Variants in TTLL1 observed in about 807,000 individuals in gnomAD.
TTLL1 encodes the protein TTL family tubulin polyglutamylase complex subunit L1, also known as polyglutamylase complex subunit TTLL1.
TTLL1 carries 33 observed loss-of-function variants against 47.8 expected under a neutral mutation model. The observed-to-expected ratio is 0.69, with a 90% CI of 0.52 to 0.92. The LOEUF is 0.92. Among genes scored for constraint, TTLL1 ranks in the 40% least tolerant of loss-of-function variants. The pLI, the probability that TTLL1 is intolerant of heterozygous loss-of-function variation, is 0.00. For synonymous variants in TTLL1, 225 were observed against 214.1 expected (o/e 1.05, Z -0.45); for missense variants, 488 against 547.5 (o/e 0.89, Z 1.08).
intron 10 of TTLL1, among the ~76,000 whole-genome samples, chr22:43,042,871 GGGAGGGGGGTTCACC>G (rs1409121772): frequency 6.6e-6 from 1 of 152,134 alleles, no homozygotes; most frequent in African/African-American, 2.4e-5. Context: ...GGCTGGATCA[GGGAGGGGGGTTCACC>G]TTGTTGTCTC....
chr22:43,056,462 CTTTTTTTTTTTTT>C (rs1052016247), intron 8 of TTLL1, among the ~76,000 whole-genome samples: 2 of 103,708 alleles, frequency 1.9e-5, no homozygotes, highest in East Asian at 5.5e-4. Context: ...TTCTTCTTGT[CTTTTTTTTTTTTT>C]TTTTTTTTTT....
chr22:43,069,147 C>T (rs922758293), intron 4 of TTLL1, among the ~76,000 whole-genome samples: 3 of 143,100 alleles, frequency 2.1e-5, no homozygotes, highest in African/African-American at 7.9e-5. Flanking sequence ...GAGGCAGAAG[C>T]GGGTGGATCA....
intron 8 of TTLL1, among the ~76,000 whole-genome samples, chr22:43,057,637 G>C (rs927245185): frequency 1.3e-5 from 2 of 152,056 alleles, no homozygotes; most frequent in Non-Finnish European, 2.9e-5. Flanking sequence ...GCCCACATCT[G>C]AGTAGGTGGG....
chr22:43,049,822 G>A (rs951873750), intron 9 of TTLL1, among the ~76,000 whole-genome samples: 8 of 151,348 alleles, frequency 5.3e-5, no homozygotes, highest in East Asian at 1.9e-4. Context: ...GGCTGGGCAC[G>A]GTGGCTCACG....
chr22:43,088,324 CTTTTTTTTTTTT>C (rs1167618669), intron 1 of TTLL1, among the ~76,000 whole-genome samples: 4 of 56,490 alleles, frequency 7.1e-5, no homozygotes, highest in African/African-American at 1.5e-4. Flanking sequence ...AAGGGCCCAT[CTTTTTTTTTTTT>C]TTTTTTTTTT....
chr22:43,053,297 G>C (rs1221289123), intron 8 of TTLL1, among the ~76,000 whole-genome samples: 1 of 152,180 alleles, frequency 6.6e-6, no homozygotes, highest in Non-Finnish European at 1.5e-5. Flanking sequence ...CTTGAAGCTA[G>C]AAACTCTGGG....
At chr22:43,083,830 T>C (rs180956341) in intron 1 of TTLL1, among the ~76,000 whole-genome samples, 3 of 152,240 alleles carry the variant, frequency 2.0e-5, no homozygotes. Context: ...GTTGGGGATA[T>C]GATCACCTTC....
At chr22:43,073,860 C>CA (rs1307184792) in intron 3 of TTLL1, among the ~76,000 whole-genome samples, 2 of 150,908 alleles carry the variant, frequency 1.3e-5, no homozygotes, top group African/African-American at 4.9e-5. Context: ...GTCTCACTGT[C>CA]ACCCAGGTTG....
chr22:43,068,890 G>A (rs2031103148), intron 4 of TTLL1, among the ~76,000 whole-genome samples: 1 of 152,168 alleles, frequency 6.6e-6, no homozygotes, highest in South Asian at 2.1e-4. Flanking sequence ...GGCCCAGGGA[G>A]ATCAGATAGA....
chr22:43,074,342 G>T (rs944354065), intron 3 of TTLL1, among the ~76,000 whole-genome samples: 1 of 149,356 alleles, frequency 6.7e-6, no homozygotes, highest in Admixed American at 6.7e-5. Context: ...CAGGAGAATC[G>T]CTTGAACCCA....
In TTLL1 at chr22:43,070,392, G is replaced by A. The variant is rs79816301; in HGVS notation, c.114-548C>T. On this transcript the variant is annotated intron_variant, in intron 3 of 10. Coordinates refer to ENST00000266254, the MANE Select transcript of TTLL1 (RefSeq NM_012263.5). The stretch of plus-strand genomic sequence containing the variant: ...CCTCTGAGAAAGCCACGGTCTCCCC[G>A]CCACACGCCTGTCCTCACCAACCCC... The A allele has an allele frequency of 3.2e-3, 1,280 of 398,522 alleles. 14 individuals carry two copies. The highest frequency in any genetic ancestry group is 0.025 in the African/African-American group (1,170 of 47,534). 24.7% of individuals were successfully genotyped at this position (398,522 alleles called of 1,614,324 possible). A position where few individuals can be genotyped will look rare whatever the true frequency, so the allele number is the denominator to read the frequency against.
intron 9 of TTLL1, among the ~76,000 whole-genome samples, chr22:43,048,141 C>A (rs1926293809): frequency 6.6e-6 from 1 of 151,798 alleles, no homozygotes; most frequent in South Asian, 2.1e-4. Context: ...CATGGTGAAA[C>A]CCTGTCTCTA....
In TTLL1 at chr22:43,040,176, G is replaced by A. The variant is rs1272257496; in HGVS notation, c.1143-271C>T. ...TTATTGTGGACAGTGGTCTCCCCTC[G>A]GAAGCTGACATTTTATACAGGTCAC... On this transcript the variant is annotated intron_variant, in intron 10 of 10. Coordinates refer to ENST00000266254, the MANE Select transcript of TTLL1 (RefSeq NM_012263.5). 14 of 335,984 alleles carry A rather than the reference G, an allele frequency of 4.2e-5. 1 individual carries two copies. The East Asian group carries it at 6.0e-4, about 14-fold the overall frequency. The allele number at this position is 335,984 out of a possible 1,614,324, so 20.8% of individuals were successfully genotyped here. A position where few individuals can be genotyped will look rare whatever the true frequency, so the allele number is the denominator to read the frequency against.
In TTLL1 at chr22:43,075,412, G is replaced by C. The variant is rs879153304; in HGVS notation, c.113+62C>G. 28 of 1,391,624 alleles carry C rather than the reference G, an allele frequency of 2.0e-5. 1 individual carries two copies. The South Asian group carries it at 3.0e-4, about 15-fold the overall frequency. The allele number at this position is 1,391,624 out of a possible 1,614,324, so 86.2% of individuals were successfully genotyped here. A position where few individuals can be genotyped will look rare whatever the true frequency, so the allele number is the denominator to read the frequency against. On this transcript the variant is annotated intron_variant, in intron 3 of 10. Transcript: ENST00000266254. ...TGAGGCCACTCTCTGGGAGGCACTGGAATTAGTAAAACCGATACGTAAGCC... is the reference window on the plus strand; with the variant it reads ...TGAGGCCACTCTCTGGGAGGCACTGCAATTAGTAAAACCGATACGTAAGCC...
intron 9 of TTLL1, among the ~76,000 whole-genome samples, chr22:43,048,889 G>A (rs1362628399): frequency 6.6e-6 from 1 of 150,814 alleles, no homozygotes; most frequent in Non-Finnish European, 1.5e-5. Context: ...GTGAGCCGAG[G>A]TCGTGCCACT....
intron 8 of TTLL1, among the ~76,000 whole-genome samples, chr22:43,057,817 T>A (rs1927120419): frequency 6.6e-6 from 1 of 152,038 alleles, no homozygotes; most frequent in South Asian, 2.1e-4. Flanking sequence ...GAAGATTTCA[T>A]GGGCTTTGGG....
chr22:43,040,108 AAT>A, intron 10 of TTLL1: 1 of 588,546 alleles, frequency 1.7e-6, no homozygotes, highest in South Asian at 2.0e-5. Context: ...CAGCCCAGCA[AAT>A]GCTCCCCAAG....
intron 7 of TTLL1, among the ~76,000 whole-genome samples, chr22:43,059,926 G>C (rs1927288492): frequency 6.6e-6 from 1 of 152,194 alleles, no homozygotes; most frequent in African/African-American, 2.4e-5. Flanking sequence ...CTGGCCTCAA[G>C]GGATCCTCCT....
chr22:43,077,730 GA>G (rs1349565848), intron 2 of TTLL1, among the ~76,000 whole-genome samples: 1 of 152,152 alleles, frequency 6.6e-6, no homozygotes, highest in Non-Finnish European at 1.5e-5. Flanking sequence ...CTCCAACCAG[GA>G]AGGCTACAGG....
Sources: gnomAD v4.1 joint callset for allele counts (sites outside exome capture counted in the v4.1 genomes callset) on GRCh38, gnomAD v4.1.1 for gene constraint, MANE v1.5 for transcripts, NCBI Gene and HGNC (gene_info 2026-07-23, HGNC 2026-07-21) for gene names.